Variants in TXNDC8 observed in about 807,000 individuals in gnomAD.
TXNDC8 encodes thioredoxin domain containing 8.
In TXNDC8, 15 loss-of-function variants were observed where a neutral mutation model predicts 12.9. That is an observed-to-expected ratio of 1.16 (90% CI 0.78 to 1.79). TXNDC8 has a LOEUF of 1.79. Ranked by LOEUF, TXNDC8 falls within the 40% of genes most tolerant of loss-of-function variation. TXNDC8 has a pLI of 0.00. For synonymous variants in TXNDC8, 40 were observed against 35.4 expected (o/e 1.13, Z -0.46); for missense variants, 128 against 113.2 (o/e 1.13, Z -0.59).
chr9:110,302,791 T>C (rs1482474248), downstream of TXNDC8, among the ~76,000 whole-genome samples: 1 of 152,096 alleles, frequency 6.6e-6, no homozygotes, highest in Non-Finnish European at 1.5e-5. Flanking sequence ...TGGCTGGGCA[T>C]GGTGGCTCAT....
intron 3 of TXNDC8, among the ~76,000 whole-genome samples, chr9:110,309,259 A>G (rs1278704209): frequency 2.0e-5 from 3 of 152,214 alleles, no homozygotes; most frequent in Admixed American, 6.5e-5. Context: ...TCGGGCCTCA[A>G]GGGAGTATCT....
Position 110,334,311 on chromosome 9 carries a change from T to A in TXNDC8, c.34A>T (p.Lys12Ter). The change falls in exon 2 of 5, where the codon AAA (lysine) becomes TAA (stop). Residue 12 changes from lysine (K) to a stop codon, truncating the protein, a stop_gained. Coordinates refer to ENST00000423740, the MANE Select transcript of TXNDC8 (RefSeq NM_001286946.2). LOFTEE classifies it high-confidence loss of function. ...TGTCCGGCAGCTGTCAAAAATGTTT[T>A]AAATTCATTCTGAAAACAGAAAATA... 6.2e-7 allele frequency: 1 copy of A among 1,612,634 alleles called. No individual in the cohort carries two copies. The highest frequency in any genetic ancestry group is 1.3e-5 in the African/African-American group (1 of 75,034).
chr9:110,321,690 G>T (rs1238902859), intron 3 of TXNDC8, among the ~76,000 whole-genome samples: 1 of 150,400 alleles, frequency 6.6e-6, no homozygotes, highest in Non-Finnish European at 1.5e-5. Context: ...GGAAAACAGT[G>T]GATGTTCACG....
chr9:110,326,944 A>ACACACACACACG (rs1839345956), intron 2 of TXNDC8, among the ~76,000 whole-genome samples: 2 of 146,556 alleles, frequency 1.4e-5, no homozygotes, highest in South Asian at 4.3e-4. Flanking sequence ...ACTCATGCAC[A>ACACACACACACG]CACACACACA....
chr9:110,326,443 C>T (rs931664279), intron 2 of TXNDC8, among the ~76,000 whole-genome samples: 3 of 152,138 alleles, frequency 2.0e-5, no homozygotes, highest in East Asian at 1.9e-4. Flanking sequence ...AGAAAATGAT[C>T]GTTACAGCGT....
At chr9:110,317,045 C>T (rs1161440589) in intron 3 of TXNDC8, among the ~76,000 whole-genome samples, 1 of 152,210 alleles carries the variant, frequency 6.6e-6, no homozygotes, top group African/African-American at 2.4e-5. Context: ...GTTGAGGCTT[C>T]ATGCAACTGC....
intron 1 of TXNDC8, among the ~76,000 whole-genome samples, chr9:110,337,540 AAAT>A (rs1418591805): frequency 8.5e-5 from 13 of 152,210 alleles, no homozygotes; most frequent in Non-Finnish European, 7.3e-5. Context: ...GTCAGGCAGG[AAAT>A]AAAAGTCCAG....
intron 4 of TXNDC8, chr9:110,303,822 T>C (rs1838327315): frequency 1.2e-6 from 1 of 830,050 alleles, no homozygotes; most frequent in South Asian, 1.9e-5. Context: ...TTCTCCATAA[T>C]ATACCTTTAA....
intron 2 of TXNDC8, among the ~76,000 whole-genome samples, chr9:110,333,378 G>A (rs1839618718): frequency 6.6e-6 from 1 of 152,106 alleles, no homozygotes; most frequent in South Asian, 2.1e-4. Flanking sequence ...GATCTGAGGC[G>A]GAACAGTTTC....
chr9:110,330,728 G>C (rs1265372995), intron 2 of TXNDC8, among the ~76,000 whole-genome samples: 4 of 152,134 alleles, frequency 2.6e-5, no homozygotes, highest in Non-Finnish European at 4.4e-5. Context: ...CTGTTTTTGT[G>C]TTGTCACTGG....
intron 1 of TXNDC8, 23 bp from the exon 2 acceptor site, chr9:110,334,343 G>A: frequency 6.4e-7 from 1 of 1,562,556 alleles, no homozygotes; most frequent in Non-Finnish European, 8.8e-7. Flanking sequence ...AATAAATGAG[G>A]AAATGTGCAT....
intron 3 of TXNDC8, among the ~76,000 whole-genome samples, chr9:110,314,749 A>G (rs552394828): frequency 2.3e-4 from 35 of 152,184 alleles, no homozygotes; most frequent in African/African-American, 7.0e-4. Context: ...TAAACTTTCT[A>G]AATTAACTGA....
intron 3 of TXNDC8, among the ~76,000 whole-genome samples, chr9:110,318,044 C>T (rs1838950325): frequency 2.0e-5 from 3 of 152,166 alleles, no homozygotes; most frequent in South Asian, 2.1e-4. Flanking sequence ...GTTTCTATTG[C>T]CATGGCCTGT....
chr9:110,321,948 T>C (rs1379391439), intron 3 of TXNDC8, among the ~76,000 whole-genome samples: 1 of 152,152 alleles, frequency 6.6e-6, no homozygotes, highest in African/African-American at 2.4e-5. Context: ...GCAGTCTGAG[T>C]CACAAGAGGT....
chr9:110,328,739 G>A (rs971245205), intron 2 of TXNDC8, among the ~76,000 whole-genome samples: 1 of 152,250 alleles, frequency 6.6e-6, no homozygotes, highest in Non-Finnish European at 1.5e-5. Flanking sequence ...CCAGTAGGCG[G>A]AGGTTATGGT....
At position 110,315,725 on chromosome 9, in the gene TXNDC8, C is replaced by T. The variant is rs1467030925; in HGVS notation, c.195+10450G>A. On this transcript the variant is annotated intron_variant, in intron 3 of 4. Transcript: ENST00000423740. ...ATAGGGTTTCACTATGTTGTTCAGG[C>T]TGGTCTTGATCTCCTGGGCTCAAGG... 2.7e-5 allele frequency among the ~76,000 whole-genome samples: 4 copies of T among 149,482 alleles called. No homozygotes were observed. The East Asian group carries it at 5.9e-4, about 22-fold the overall frequency.
intron 3 of TXNDC8, among the ~76,000 whole-genome samples, chr9:110,320,235 C>T (rs1269133865): frequency 3.3e-5 from 5 of 152,078 alleles, no homozygotes; most frequent in South Asian, 2.1e-4. Context: ...GTTGTAGCTC[C>T]GATAATTCCC....
At chr9:110,330,513 C>A (rs1241852623) in intron 2 of TXNDC8, among the ~76,000 whole-genome samples, 1 of 152,168 alleles carries the variant, frequency 6.6e-6, no homozygotes, top group African/African-American at 2.4e-5. Flanking sequence ...ATATGTAAGC[C>A]TCACAGACTA....
intron 3 of TXNDC8, among the ~76,000 whole-genome samples, chr9:110,307,040 C>T (rs1838496329): frequency 6.6e-6 from 1 of 151,826 alleles, no homozygotes; most frequent in African/African-American, 2.4e-5. Context: ...CCCCAGGGCT[C>T]AAGTGATCCT....
Sources: allele counts gnomAD v4.1 joint callset (sites outside exome capture counted in the v4.1 genomes callset), GRCh38; gene constraint gnomAD v4.1.1; transcripts MANE v1.5; gene names NCBI Gene and HGNC (gene_info 2026-07-23, HGNC 2026-07-21).